The following FSTL5 variants were observed in gnomAD, a reference collection of about 807,000 sequenced individuals.
FSTL5 encodes follistatin like 5, also known as follistatin-related protein 5.
In FSTL5, 62 loss-of-function variants were observed where a neutral mutation model predicts 89.1. The observed-to-expected ratio is 0.70, with a 90% CI of 0.57 to 0.86. The LOEUF is 0.86. FSTL5 is among the 40% of genes least tolerant of loss of function. The pLI, the probability that FSTL5 is intolerant of heterozygous loss-of-function variation, is 0.00. For synonymous variants in FSTL5, 383 were observed against 346.2 expected (o/e 1.11, Z -1.18); for missense variants, 1,057 against 1,001.6 (o/e 1.06, Z -0.75).
At chr4:161,771,527 T>C (rs1469934251) in intron 5 of FSTL5, among the ~76,000 whole-genome samples, 1 of 152,122 alleles carries the variant, frequency 6.6e-6, no homozygotes, top group East Asian at 1.9e-4. Flanking sequence ...CACTATGTTA[T>C]GAGCATCAAA....
At chr4:161,621,619 GAA>G (rs1379060533) in intron 7 of FSTL5, among the ~76,000 whole-genome samples, 1 of 151,990 alleles carries the variant, frequency 6.6e-6, no homozygotes, top group Non-Finnish European at 1.5e-5. Context: ...TTATTTACTT[GAA>G]AAGATTGTTA....
chr4:161,398,837 A>T (rs1731087389), intron 15 of FSTL5, among the ~76,000 whole-genome samples: 1 of 152,096 alleles, frequency 6.6e-6, no homozygotes, highest in Non-Finnish European at 1.5e-5. Context: ...ATTCTGAGGA[A>T]ATAACAATAA....
At chr4:161,840,599 C>G (rs1731179947) in intron 4 of FSTL5, among the ~76,000 whole-genome samples, 1 of 152,098 alleles carries the variant, frequency 6.6e-6, no homozygotes, top group Admixed American at 6.6e-5. Flanking sequence ...TTTGGGCAAC[C>G]CTCAAATTTA....
chr4:161,449,048 C>A (rs1415640536), intron 15 of FSTL5, among the ~76,000 whole-genome samples: 1 of 152,120 alleles, frequency 6.6e-6, no homozygotes, highest in Non-Finnish European at 1.5e-5. Flanking sequence ...CCAAATGAAG[C>A]AAGCTAACAG....
chr4:162,155,896 A>C (rs761343778), intron 1 of FSTL5, among the ~76,000 whole-genome samples: 6 of 152,166 alleles, frequency 3.9e-5, no homozygotes, highest in Admixed American at 1.3e-4. Flanking sequence ...GAATCTTTAA[A>C]GCAGCAGAGA....
intron 4 of FSTL5, among the ~76,000 whole-genome samples, chr4:161,830,627 A>G (rs1730814518): frequency 6.6e-6 from 1 of 151,996 alleles, no homozygotes; most frequent in African/African-American, 2.4e-5. Flanking sequence ...TATATTGCAA[A>G]CTGAACATGC....
chr4:162,047,441 C>T (rs566522794), intron 2 of FSTL5: 15 of 152,134 alleles, frequency 9.9e-5, no homozygotes, highest in Admixed American at 9.2e-4. Flanking sequence ...TGGAGCTCTC[C>T]AGGGGATGAC....
intron 4 of FSTL5, among the ~76,000 whole-genome samples, chr4:161,820,235 G>A (rs1236932433): frequency 6.6e-6 from 1 of 152,076 alleles, no homozygotes; most frequent in Non-Finnish European, 1.5e-5. Context: ...AAGATTACAG[G>A]AAGTCATGTG....
intron 6 of FSTL5, among the ~76,000 whole-genome samples, chr4:161,697,850 G>C (rs1738226250): frequency 6.6e-6 from 1 of 151,938 alleles, no homozygotes; most frequent in African/African-American, 2.4e-5. Context: ...AGTTTCCTTG[G>C]TTTGAAGTTT....
At position 161,677,741 on chromosome 4, in the gene FSTL5, T is replaced by C. The variant is rs1737356078; in HGVS notation, c.728-21247A>G. 2.0e-5 allele frequency among the ~76,000 whole-genome samples: 3 copies of C among 152,048 alleles called. No homozygotes were observed. The South Asian group carries it at 6.2e-4, about 32-fold the overall frequency. ...ATTAAAATGTACTCTTTAGGAATTT[T>C]CAAGTATATAATATATTGTTATTAA... On this transcript the variant is annotated intron_variant, in intron 6 of 15. Transcript: ENST00000306100.
intron 2 of FSTL5, among the ~76,000 whole-genome samples, chr4:162,104,224 C>A (rs1335320990): frequency 1.3e-5 from 2 of 152,188 alleles, no homozygotes; most frequent in Non-Finnish European, 2.9e-5. Context: ...CGGCTAAGTG[C>A]CTGGGTTCAT....
chr4:161,587,667 T>C, intron 7 of FSTL5, 92 bp from the exon 8 acceptor site: 1 of 850,392 alleles, frequency 1.2e-6, no homozygotes, highest in Non-Finnish European at 1.8e-6. Flanking sequence ...ACAAAACAAA[T>C]AGACTCAAAT....
intron 4 of FSTL5, among the ~76,000 whole-genome samples, chr4:161,850,423 C>T (rs977273599): frequency 1.3e-5 from 2 of 152,134 alleles, no homozygotes; most frequent in African/African-American, 4.8e-5. Context: ...AGACAAGGTA[C>T]TGAAAATTGC....
intron 3 of FSTL5, among the ~76,000 whole-genome samples, chr4:161,987,555 A>G (rs896221031): frequency 2.7e-5 from 4 of 147,600 alleles, no homozygotes; most frequent in Non-Finnish European, 6.0e-5. Context: ...GAAAGTATAT[A>G]TACTTTATTG....
At chr4:162,003,779 G>A (rs141745622) in intron 3 of FSTL5, among the ~76,000 whole-genome samples, 1 of 152,258 alleles carries the variant, frequency 6.6e-6, no homozygotes, top group Non-Finnish European at 1.5e-5. Flanking sequence ...TGATATATGT[G>A]CAAGTTATGT....
Position 161,772,356 on chromosome 4 carries a change from T to C in FSTL5, c.606+3522A>G, listed in dbSNP as rs143222827. 1.4e-3 allele frequency among the ~76,000 whole-genome samples: 216 copies of C among 152,172 alleles called. 1 individual carries two copies. The highest frequency in any genetic ancestry group is 4.1e-3 in the African/African-American group (169 of 41,552). On this transcript the variant is annotated intron_variant, in intron 5 of 15. Transcript: ENST00000306100. ...CTCTTTTTATTCTAATTTAAATTAT[T>C]TTAAAATTCAATATTAAAGGGCATG...
intron 3 of FSTL5, among the ~76,000 whole-genome samples, chr4:162,009,972 T>A (rs892866714): frequency 7.0e-6 from 1 of 143,044 alleles, no homozygotes; most frequent in Admixed American, 7.2e-5. Context: ...TTGTTTTGTT[T>A]GTTTTGTAAA....
At chr4:162,024,122 C>G (rs1292360604) in intron 3 of FSTL5, among the ~76,000 whole-genome samples, 2 of 152,142 alleles carry the variant, frequency 1.3e-5, no homozygotes, top group Non-Finnish European at 2.9e-5. Context: ...GAATCCACCA[C>G]AGAGCATATG....
chr4:161,919,080 T>A (rs142740902), intron 4 of FSTL5, among the ~76,000 whole-genome samples: 1,707 of 152,254 alleles, frequency 0.011, 42 homozygotes, highest in African/African-American at 0.037. Flanking sequence ...TAGTGTCAAG[T>A]ATCAGTGCAA....
Sources: allele counts gnomAD v4.1 joint callset (sites outside exome capture counted in the v4.1 genomes callset), GRCh38; gene constraint gnomAD v4.1.1; transcripts MANE v1.5; gene names NCBI Gene and HGNC (gene_info 2026-07-23, HGNC 2026-07-21).